BUB1: variants seen among roughly 807,000 people sequenced by gnomAD.
BUB1 encodes the protein mitotic checkpoint serine/threonine-protein kinase BUB1.
A neutral mutation model predicts 135.2 loss-of-function variants in BUB1; 84 were observed. That is an observed-to-expected ratio of 0.62 (90% CI 0.52 to 0.74). BUB1 has a LOEUF of 0.74. Ranked by LOEUF, BUB1 falls within the 30% of genes least tolerant of loss-of-function variation. The pLI is 0.00. For synonymous variants in BUB1, 403 were observed against 434.4 expected (o/e 0.93, Z 0.90); for missense variants, 1,162 against 1,288.3 (o/e 0.90, Z 1.50).
At chr2:110,642,356 G>A in intron 19 of BUB1, 122 bp from the exon 20 acceptor site, 1 of 564,484 alleles carries the variant, frequency 1.8e-6, no homozygotes. Flanking sequence ...GTCTGCAGTT[G>A]TTAACTCTTA....
chr2:110,655,959 C>T, intron 15 of BUB1, 43 bp from the exon 16 acceptor site: 1 of 1,574,562 alleles, frequency 6.4e-7, no homozygotes. Flanking sequence ...CAATCTCCCT[C>T]TTTAGTCCAT....
chr2:110,661,598 C>T lies in BUB1; in HGVS notation c.1201G>A (p.Ala401Thr), dbSNP rs191061147. 2.5e-6 allele frequency: 4 copies of T among 1,614,074 alleles called. No individual in the cohort carries two copies. In the East Asian group the frequency reaches 8.9e-5, roughly 36 times the overall value. The change falls in exon 10 of 25, where the codon GCC becomes ACC. Residue 401 changes from alanine to threonine, a missense_variant. Transcript: ENST00000302759. ...TCAGCTTACCCAGCATCTTTGCTGGCCACTGCAAACATGGAGTCTGTTACT... is the reference window on the plus strand; with the variant it reads ...TCAGCTTACCCAGCATCTTTGCTGGTCACTGCAAACATGGAGTCTGTTACT... The part of the protein sequence containing the change: ...QTVTDSMFAV[A>T]SKDAGCVNKS...
intron 16 of BUB1, 88 bp from the exon 17 acceptor site, chr2:110,653,611 ATTTCT>A: frequency 9.1e-7 from 1 of 1,099,282 alleles, no homozygotes; most frequent in East Asian, 2.5e-5. Flanking sequence ...AAAGTCTAGG[ATTTCT>A]TTTGACACTG....
At chr2:110,666,237 G>T in intron 9 of BUB1, 26 bp downstream of exon 9, 1 of 1,327,996 alleles carries the variant, frequency 7.5e-7, no homozygotes, top group Non-Finnish European at 9.7e-7. Context: ...CTGGGCACAG[G>T]ATGTGTCATG....
In BUB1 at chr2:110,655,756, T is replaced by G. The variant is rs148734139; in HGVS notation, c.1859A>C (p.His620Pro). Residue 620 changes from histidine to proline, a missense_variant, in exon 16 of 25, where the codon CAC becomes CCC. Transcript: ENST00000302759. ...ACACACACCTTTATCTTCTAAAATGTGCACTGACTCCACTGGAAGCTTGTG... is the reference window on the plus strand; with the variant it reads ...ACACACACCTTTATCTTCTAAAATGGGCACTGACTCCACTGGAAGCTTGTG... ...PFHKLPVESV[H>P]ILEDKENVVA... The G allele has an allele frequency of 2.2e-4, 347 of 1,613,610 alleles. 1 individual carries two copies. The African/African-American group carries it at 4.5e-3, about 21-fold the overall frequency.
In BUB1 at chr2:110,674,442, T is replaced by C. The variant is rs919350594; in HGVS notation, c.27-77A>G. 1.5e-5 allele frequency: 21 copies of C among 1,371,956 alleles called. No individual in the cohort carries two copies. The African/African-American group carries it at 2.6e-4, about 17-fold the overall frequency. 85.0% of individuals were successfully genotyped at this position (1,371,956 alleles called of 1,614,324 possible). ...CAAAAGATATACTTCATTTTATATATACCATTTATGTGCATTAAAACAAAA... is the reference window on the plus strand; with the variant it reads ...CAAAAGATATACTTCATTTTATATACACCATTTATGTGCATTAAAACAAAA... On this transcript the variant is annotated intron_variant, in intron 1 of 24. Coordinates refer to ENST00000302759, the MANE Select transcript of BUB1 (RefSeq NM_004336.5).
In BUB1 at chr2:110,661,625, T is replaced by C. The variant is rs762474472; in HGVS notation, c.1174A>G (p.Thr392Ala). ...ACTGCAAACATGGAGTCTGTTACTG[T>C]CTGGGCTTTCAAAGGAACAGGAGGA... ...IAPPVPLKAQTVTDSMFAVAS... is the reference protein window; with the variant it reads ...IAPPVPLKAQAVTDSMFAVAS... Residue 392 changes from threonine to alanine, a missense_variant, in exon 10 of 25, where the codon ACA becomes GCA. Thr to Ala is a moderately conservative substitution (Grantham distance 58). Coordinates refer to ENST00000302759, the MANE Select transcript of BUB1 (RefSeq NM_004336.5). 6.2e-7 allele frequency: 1 copy of C among 1,614,050 alleles called. No homozygotes were observed. Among genetic ancestry groups the C allele is most frequent in the Non-Finnish European group, 8.5e-7 (1 of 1,180,044 alleles).
In BUB1 at chr2:110,667,525, T is replaced by C. The variant is rs1403387637; in HGVS notation, c.801A>G (p.Gln267=). 2.5e-6 allele frequency: 4 copies of C among 1,610,652 alleles called. No homozygotes were observed. The highest frequency in any genetic ancestry group is 2.2e-5 in the South Asian group (2 of 90,166). Residue 267 remains glutamine, a synonymous_variant, in exon 8 of 25, where the codon CAA becomes CAG. Transcript: ENST00000302759. Reference sequence around the variant, plus strand: ...AAAATACAAGATTGCAAGTACCCCATTGCTCATGCTTTCTCCGTTGATTGT... The same window carrying C: ...AAAATACAAGATTGCAAGTACCCCACTGCTCATGCTTTCTCCGTTGATTGT... ...QKYNQRRKHE[Q]WVNEDRHYMK...
chr2:110,641,670 C>T lies in BUB1; in HGVS notation c.2597G>A (p.Gly866Glu). Reference protein sequence around the residue: ...HLFQNGSVLVGELYSYGTLLN... With the variant: ...HLFQNGSVLVEELYSYGTLLN... ...TAATGTTCCATAGCTGTAGAGCTCT[C>T]CTACTAATACACTGCCATTCTGGAA... The change falls in exon 21 of 25, where the codon GGA becomes GAA. Residue 866 changes from glycine to glutamate, a missense_variant. Physicochemically the swap from Gly to Glu is moderately conservative, Grantham distance 98 (BLOSUM62 -2). Coordinates refer to ENST00000302759, the MANE Select transcript of BUB1 (RefSeq NM_004336.5). The T allele has an allele frequency of 6.2e-7, 1 of 1,613,138 alleles. No homozygotes were observed. The highest frequency in any genetic ancestry group is 8.5e-7 in the Non-Finnish European group (1 of 1,179,876).
rs1375012958 is a variant in BUB1 at position 110,667,529 on chromosome 2, T to G, written c.797A>C (p.Glu266Ala). ...AQKYNQRRKH[E>A]QWVNEDRHYM... Reference sequence around the variant, plus strand: ...TACAAGATTGCAAGTACCCCATTGCTCATGCTTTCTCCGTTGATTGTATTT... The same window carrying G: ...TACAAGATTGCAAGTACCCCATTGCGCATGCTTTCTCCGTTGATTGTATTT... Residue 266 changes from glutamate (E) to alanine (A), a missense_variant, in exon 8 of 25, where the codon GAG becomes GCG. By Grantham distance (107) the Glu-to-Ala change is moderately radical. Transcript: ENST00000302759. 3 of 1,612,000 alleles carry G rather than the reference T, an allele frequency of 1.9e-6. No individual in the cohort carries two copies. Among genetic ancestry groups the G allele is most frequent in the Admixed American group, 1.7e-5 (1 of 59,516 alleles).
intron 20 of BUB1, 104 bp from the exon 21 acceptor site, chr2:110,641,907 G>A (rs1179314036): frequency 5.5e-6 from 7 of 1,283,978 alleles, no homozygotes; most frequent in Non-Finnish European, 7.6e-6. Flanking sequence ...TGATAGTGAT[G>A]ACAAGCTATG....
chr2:110,650,537 T>C lies in BUB1; in HGVS notation c.2203+9A>G. 6.2e-7 allele frequency: 1 copy of C among 1,610,954 alleles called. No individual in the cohort carries two copies. Among genetic ancestry groups the C allele is most frequent in the Non-Finnish European group, 8.5e-7 (1 of 1,177,940 alleles). ...ATTCAAGGGCATAACAAAGAGTGAG[T>C]GTTCGTACTTGGAGCATCAACAGTC... On this transcript the variant is annotated intron_variant, in intron 18 of 24. Coordinates refer to ENST00000302759, the MANE Select transcript of BUB1 (RefSeq NM_004336.5).
At position 110,669,444 on chromosome 2, in the gene BUB1, C is replaced by T. The variant is rs368193417; in HGVS notation, c.567+9G>A. ...CAGTTTCCACACAAGCTACAAATGT[C>T]ATTATTACCTGATTCTTAGAAATGC... On this transcript the variant is annotated intron_variant, in intron 6 of 24. Transcript: ENST00000302759. The T allele has an allele frequency of 1.9e-6, 3 of 1,562,482 alleles. No homozygotes were observed. The highest frequency in any genetic ancestry group is 2.6e-6 in the Non-Finnish European group (3 of 1,133,218).
chr2:110,658,692 T>C lies in BUB1; in HGVS notation c.1327A>G (p.Asn443Asp). 1.2e-5 allele frequency: 19 copies of C among 1,614,214 alleles called. No homozygotes were observed. Among genetic ancestry groups the C allele is most frequent in the Non-Finnish European group, 1.6e-5 (19 of 1,180,032 alleles). The change falls in exon 12 of 25, where the codon AAC (asparagine) becomes GAC (aspartate). Residue 443 changes from asparagine to aspartate, a missense_variant. Physicochemically the swap from Asn to Asp is conservative, Grantham distance 23. Coordinates refer to ENST00000302759, the MANE Select transcript of BUB1 (RefSeq NM_004336.5). Reference protein sequence around the residue: ...ANTSSFHTTPNTSLGMVQATP... With the variant: ...ANTSSFHTTPDTSLGMVQATP... ...GCCTGAACCATTCCCAGTGATGTGT[T>C]TGGAGTTGTGTGAAAAGAACTTGTG...
At chr2:110,673,992 GAATT>G (rs1690502303) in intron 3 of BUB1, 90 bp downstream of exon 3, 1 of 1,025,810 alleles carries the variant, frequency 9.7e-7, no homozygotes, top group African/African-American at 1.6e-5. Flanking sequence ...TAGAAACAAG[GAATT>G]AAAAGCCTAA....
At chr2:110,677,943 T>C (rs1690638100) in intron 1 of BUB1, 27 bp downstream of exon 1, 1 of 1,604,412 alleles carries the variant, frequency 6.2e-7, no homozygotes, top group African/African-American at 1.3e-5. Flanking sequence ...CCCCTGGGCT[T>C]CCCCACCCCA....
rs1395662339 is a variant in BUB1 at position 110,655,047 on chromosome 2, G to A, written c.1876+692C>T. On this transcript the variant is annotated intron_variant, in intron 16 of 24. Coordinates refer to ENST00000302759, the MANE Select transcript of BUB1 (RefSeq NM_004336.5). ...ATCCTCTGTGGATACCAAGAGGACT[G>A]TCTAGTTTGTAGGTTGGTACTTAAT... Among the ~76,000 whole-genome samples the A allele has an allele frequency of 2.0e-5, 3 of 152,278 alleles. No homozygotes were observed. In the East Asian group the frequency reaches 5.8e-4, roughly 29 times the overall value.
rs1389206745 is a variant in BUB1, at chr2:110,672,848, T to A, written c.235A>T (p.Asn79Tyr). Reference sequence around the variant, plus strand: ...TCAAAAAATTGATGGAGGTCACTGTTGTACTCAGCCTACACGAACCCAAAA... The same window carrying A: ...TCAAAAAATTGATGGAGGTCACTGTAGTACTCAGCCTACACGAACCCAAAA... ...ISYCLKFAEY[N>Y]SDLHQFFEFL... The change falls in exon 4 of 25, where the codon AAC becomes TAC. Residue 79 changes from asparagine (N) to tyrosine (Y), a missense_variant. Transcript: ENST00000302759. 6 of 1,604,164 alleles carry A rather than the reference T, an allele frequency of 3.7e-6. No homozygotes were observed. In the Admixed American group the frequency reaches 1.0e-4, roughly 28 times the overall value.
chr2:110,670,128 T>G (rs1690379526), intron 5 of BUB1, among the ~76,000 whole-genome samples: 1 of 129,218 alleles, frequency 7.7e-6, no homozygotes, highest in African/African-American at 3.2e-5. Flanking sequence ...TTGGATGGGT[T>G]TTTTTTTTTT....
Sources: gnomAD v4.1 joint callset for allele counts (sites outside exome capture counted in the v4.1 genomes callset) on GRCh38, gnomAD v4.1.1 for gene constraint, MANE v1.5 for transcripts, NCBI Gene and HGNC (gene_info 2026-07-23, HGNC 2026-07-21) for gene names.